The following CCDC85A variants were observed in gnomAD, a reference collection of about 807,000 sequenced individuals.
CCDC85A encodes the protein coiled-coil domain containing 85A.
Under a neutral mutation model 50.2 loss-of-function variants are expected in CCDC85A, and 38 were observed. The observed-to-expected ratio is 0.76, with a 90% CI of 0.58 to 0.99. The LOEUF is 0.99. Ranked by LOEUF, CCDC85A falls within the 50% of genes least tolerant of loss-of-function variation. The pLI is 0.00. For missense variants in CCDC85A, 820 were observed against 742.0 expected (o/e 1.11, Z -1.22); for synonymous variants, 366 against 301.4 (o/e 1.21, Z -2.22).
intron 1 of CCDC85A, among the ~76,000 whole-genome samples, chr2:56,190,199 G>A (rs1422702393): frequency 2.0e-5 from 3 of 152,254 alleles, no homozygotes; most frequent in East Asian, 3.9e-4. Flanking sequence ...GTTCTGGATC[G>A]GTTCGCAAGA....
At chr2:56,191,226 A>G (rs772927646) in intron 1 of CCDC85A, among the ~76,000 whole-genome samples, 5 of 152,006 alleles carry the variant, frequency 3.3e-5, no homozygotes, top group Non-Finnish European at 5.9e-5. Context: ...ACCTGCTTCA[A>G]TTTTCCTTCC....
chr2:56,186,093 A>G (rs1013245231), intron 1 of CCDC85A, among the ~76,000 whole-genome samples: 11 of 152,308 alleles, frequency 7.2e-5, no homozygotes, highest in Non-Finnish European at 1.5e-4. Context: ...TGCTGGGCCC[A>G]GTTCAGGTGG....
chr2:56,191,260 A>G (rs1338553962), intron 1 of CCDC85A, among the ~76,000 whole-genome samples: 4 of 151,678 alleles, frequency 2.6e-5, no homozygotes, highest in Admixed American at 6.5e-5. Flanking sequence ...GCATGACGTT[A>G]TGCTCTATAC....
Position 56,384,508 on chromosome 2 carries a change from A to G in CCDC85A, c.*153A>G, listed in dbSNP as rs1676740646. 3.3e-6 allele frequency: 2 copies of G among 604,338 alleles called. No homozygotes were observed. Among genetic ancestry groups the G allele is most frequent in the East Asian group, 2.8e-5 (1 of 35,678 alleles). 37.4% of individuals were successfully genotyped at this position (604,338 alleles called of 1,614,324 possible). On this transcript the variant is annotated 3_prime_UTR_variant, in exon 6 of 6. Coordinates refer to ENST00000407595, the MANE Select transcript of CCDC85A (RefSeq NM_001080433.2). ...ATATCTCCCCTCTAAAACCTGTAGT[A>G]CAACTTCTCCCCTCAAGCTGATATT...
At chr2:56,208,576 G>A (rs1372144466) in intron 2 of CCDC85A, among the ~76,000 whole-genome samples, 3 of 152,066 alleles carry the variant, frequency 2.0e-5, no homozygotes, top group African/African-American at 7.2e-5. Flanking sequence ...ATAATTTATT[G>A]GGCACATGGT....
chr2:56,288,035 T>C (rs1216361402), intron 2 of CCDC85A, among the ~76,000 whole-genome samples: 1 of 152,128 alleles, frequency 6.6e-6, no homozygotes, highest in Non-Finnish European at 1.5e-5. Context: ...GAGGCTCCTT[T>C]ACAGAGCCTG....
At chr2:56,250,523 G>A (rs972144221) in intron 2 of CCDC85A, among the ~76,000 whole-genome samples, 5 of 152,132 alleles carry the variant, frequency 3.3e-5, no homozygotes, top group African/African-American at 9.7e-5. Flanking sequence ...TATGGTAGTC[G>A]GCTTACCTAG....
At chr2:56,237,011 A>G (rs10490396) in intron 2 of CCDC85A, among the ~76,000 whole-genome samples, 3,028 of 152,194 alleles carry the variant, frequency 0.02, 53 homozygotes, top group South Asian at 0.047. Context: ...GGCTCATCAA[A>G]ATGTATTTCA....
At chr2:56,293,242 G>A (rs1008441159) in intron 2 of CCDC85A, among the ~76,000 whole-genome samples, 2 of 152,140 alleles carry the variant, frequency 1.3e-5, no homozygotes, top group Non-Finnish European at 2.9e-5. Context: ...CCAGAGATAG[G>A]CCTGTAAAAT....
At chr2:56,331,541 A>G (rs988586343) in intron 2 of CCDC85A, among the ~76,000 whole-genome samples, 1 of 152,190 alleles carries the variant, frequency 6.6e-6, no homozygotes, top group African/African-American at 2.4e-5. Flanking sequence ...ATACAAAAAA[A>G]CCCAAAAAAC....
At chr2:56,370,171 C>T (rs1676002346) in intron 3 of CCDC85A, among the ~76,000 whole-genome samples, 1 of 152,038 alleles carries the variant, frequency 6.6e-6, no homozygotes, top group African/African-American at 2.4e-5. Context: ...AATTAGTGAC[C>T]AGAATCTGAG....
chr2:56,341,955 A>T (rs1289092380), intron 2 of CCDC85A, among the ~76,000 whole-genome samples: 1 of 151,124 alleles, frequency 6.6e-6, no homozygotes, highest in Non-Finnish European at 1.5e-5. Context: ...AAATAAAGAG[A>T]ACTGGATGTT....
chr2:56,375,469 G>A (rs1676289041), intron 4 of CCDC85A, among the ~76,000 whole-genome samples: 1 of 152,172 alleles, frequency 6.6e-6, no homozygotes, highest in South Asian at 2.1e-4. Flanking sequence ...GGCTTGCTGA[G>A]TGAGCATGTT....
intron 2 of CCDC85A, among the ~76,000 whole-genome samples, chr2:56,269,127 C>G (rs894048086): frequency 3.9e-5 from 6 of 152,150 alleles, no homozygotes; most frequent in African/African-American, 1.4e-4. Context: ...TTTACATTCT[C>G]TGGCTCTGCA....
At chr2:56,186,640 T>A (rs1017743084) in intron 1 of CCDC85A, among the ~76,000 whole-genome samples, 1 of 152,228 alleles carries the variant, frequency 6.6e-6, no homozygotes, top group Non-Finnish European at 1.5e-5. Context: ...GGAAGAGTTA[T>A]TATTAAATGT....
intron 4 of CCDC85A, among the ~76,000 whole-genome samples, chr2:56,374,331 A>G (rs1013815886): frequency 6.6e-6 from 1 of 152,178 alleles, no homozygotes; most frequent in African/African-American, 2.4e-5. Flanking sequence ...GCCTTTGAGG[A>G]CATAGGAGAA....
Position 56,308,245 on chromosome 2 carries a change from T to C in CCDC85A, c.1241-34634T>C, listed in dbSNP as rs560148699. 4.6e-5 allele frequency among the ~76,000 whole-genome samples: 7 copies of C among 152,308 alleles called. No homozygotes were observed. The East Asian group carries it at 1.4e-3, about 29-fold the overall frequency. On this transcript the variant is annotated intron_variant, in intron 2 of 5. Transcript: ENST00000407595. Reference sequence around the variant, plus strand: ...TATTTCTGTTCTGAAACCCAATCTTTGAGCTGTCTGTCCCTCTATAGAGAC... The same window carrying C: ...TATTTCTGTTCTGAAACCCAATCTTCGAGCTGTCTGTCCCTCTATAGAGAC...
chr2:56,296,864 T>C (rs993486000), intron 2 of CCDC85A, among the ~76,000 whole-genome samples: 1 of 152,202 alleles, frequency 6.6e-6, no homozygotes, highest in African/African-American at 2.4e-5. Flanking sequence ...GCCTACTTTT[T>C]TCATGGAAGA....
At chr2:56,189,707 A>G (rs1676217595) in intron 1 of CCDC85A, among the ~76,000 whole-genome samples, 1 of 152,320 alleles carries the variant, frequency 6.6e-6, no homozygotes, top group South Asian at 2.1e-4. Context: ...TGAGCATAGT[A>G]TCCGATAGTT....
Sources: gnomAD v4.1 joint callset for allele counts (sites outside exome capture counted in the v4.1 genomes callset) on GRCh38, gnomAD v4.1.1 for gene constraint, MANE v1.5 for transcripts, NCBI Gene and HGNC (gene_info 2026-07-23, HGNC 2026-07-21) for gene names.